HS3ST2: variants seen among roughly 807,000 people sequenced by gnomAD.
HS3ST2 encodes the protein heparan sulfate glucosamine 3-O-sulfotransferase 2.
In HS3ST2, 17 loss-of-function variants were observed where a neutral mutation model predicts 26.3. That is an observed-to-expected ratio of 0.65 (90% CI 0.44 to 0.97). The LOEUF (loss-of-function observed/expected upper bound fraction) is 0.97. Ranked by LOEUF, HS3ST2 falls within the 50% of genes least tolerant of loss-of-function variation. The pLI, the probability that HS3ST2 is intolerant of heterozygous loss-of-function variation, is 0.00. For synonymous variants in HS3ST2, 237 were observed against 219.2 expected (o/e 1.08, Z -0.72); for missense variants, 402 against 501.2 (o/e 0.80, Z 1.89).
intron 1 of HS3ST2, among the ~76,000 whole-genome samples, chr16:22,846,882 A>C (rs1901441035): frequency 6.6e-6 from 1 of 152,220 alleles, no homozygotes; most frequent in South Asian, 2.1e-4. Context: ...CATCTCTGGC[A>C]GAGTCAGGAT....
At chr16:22,840,828 T>G (rs1419803061) in intron 1 of HS3ST2, among the ~76,000 whole-genome samples, 1 of 152,186 alleles carries the variant, frequency 6.6e-6, no homozygotes, top group Non-Finnish European at 1.5e-5. Context: ...TAAATTATTA[T>G]TATACTTTAA....
At chr16:22,882,429 T>C (rs553870122) in intron 1 of HS3ST2, among the ~76,000 whole-genome samples, 1 of 152,092 alleles carries the variant, frequency 6.6e-6, no homozygotes, top group Admixed American at 6.5e-5. Flanking sequence ...GGAGTGAACT[T>C]AGCTGCATTA....
intron 1 of HS3ST2, among the ~76,000 whole-genome samples, chr16:22,906,286 G>T (rs555606241): frequency 6.2e-4 from 95 of 152,138 alleles, no homozygotes; most frequent in Non-Finnish European, 1.1e-3. Flanking sequence ...CAGGAGGATC[G>T]CTTGAACCTG....
intron 1 of HS3ST2, among the ~76,000 whole-genome samples, chr16:22,832,151 C>CTTTTTTTTTTTTTTT (rs71151684): frequency 1.7e-5 from 2 of 115,470 alleles, no homozygotes; most frequent in Admixed American, 8.8e-5. Flanking sequence ...CCCAGCTGAT[C>CTTTTTTTTTTTTTTT]TTTTTTTTTT....
At chr16:22,891,627 T>G (rs1195578946) in intron 1 of HS3ST2, among the ~76,000 whole-genome samples, 7 of 152,252 alleles carry the variant, frequency 4.6e-5, no homozygotes, top group Non-Finnish European at 8.8e-5. Flanking sequence ...AAGGACTTAA[T>G]TTTTTATTTC....
chr16:22,888,048 T>C (rs1902085026), intron 1 of HS3ST2, among the ~76,000 whole-genome samples: 1 of 152,218 alleles, frequency 6.6e-6, no homozygotes, highest in African/African-American at 2.4e-5. Context: ...CCACACTGCC[T>C]TCCAGAGCTC....
At chr16:22,895,009 G>A (rs1334665838) in intron 1 of HS3ST2, among the ~76,000 whole-genome samples, 2 of 151,004 alleles carry the variant, frequency 1.3e-5, no homozygotes, top group Non-Finnish European at 1.5e-5. Flanking sequence ...TGCTGGGTTT[G>A]ATTCAGCGTG....
chr16:22,830,742 C>A (rs1203904649), intron 1 of HS3ST2, among the ~76,000 whole-genome samples: 1 of 152,222 alleles, frequency 6.6e-6, no homozygotes, highest in Non-Finnish European at 1.5e-5. Context: ...CATCAACGTC[C>A]TTTACAAAAT....
chr16:22,873,004 C>T (rs1015631608), intron 1 of HS3ST2, among the ~76,000 whole-genome samples: 5 of 152,206 alleles, frequency 3.3e-5, no homozygotes, highest in African/African-American at 1.2e-4. Flanking sequence ...GTTTCTTAAC[C>T]TTTCAATGCC....
At chr16:22,823,807 GTGTTA>G (rs1369916654) in intron 1 of HS3ST2, among the ~76,000 whole-genome samples, 2 of 152,096 alleles carry the variant, frequency 1.3e-5, no homozygotes, top group Admixed American at 1.3e-4. Flanking sequence ...TTTCTTTAAT[GTGTTA>G]GCGATTGGGA....
intron 1 of HS3ST2, among the ~76,000 whole-genome samples, chr16:22,859,386 A>C (rs564518718): frequency 6.6e-6 from 1 of 152,218 alleles, no homozygotes; most frequent in Admixed American, 6.5e-5. Context: ...TTTAGGAAAG[A>C]TATTGGGGCC....
At chr16:22,821,654 G>A (rs1345790436) in intron 1 of HS3ST2, among the ~76,000 whole-genome samples, 5 of 152,032 alleles carry the variant, frequency 3.3e-5, no homozygotes, top group South Asian at 2.1e-4. Context: ...TAATCCATTC[G>A]TTTGTCAAAT....
chr16:22,886,769 T>C (rs1292198888), intron 1 of HS3ST2, among the ~76,000 whole-genome samples: 1 of 145,918 alleles, frequency 6.9e-6, no homozygotes, highest in East Asian at 2.0e-4. Context: ...CTTCTTTTTC[T>C]TTTTTTTTTT....
intron 1 of HS3ST2, among the ~76,000 whole-genome samples, chr16:22,824,675 C>A (rs1388282317): frequency 6.6e-6 from 1 of 152,184 alleles, no homozygotes; most frequent in Non-Finnish European, 1.5e-5. Flanking sequence ...GACAATGCAA[C>A]TTCTTTGTGT....
chr16:22,817,738 T>C (rs909847406), intron 1 of HS3ST2, among the ~76,000 whole-genome samples: 3 of 152,194 alleles, frequency 2.0e-5, no homozygotes, highest in African/African-American at 7.2e-5. Context: ...TGGAGTGGAC[T>C]GTGCTTTCCA....
rs116848879 is a variant in HS3ST2, at chr16:22,887,569, G to C, written c.486-27375G>C. ...AATTTTGGGATGACACAAACACTCA[G>C]TCTATAGCACCCTCCAAACTATTTA... On this transcript the variant is annotated intron_variant, in intron 1 of 1. Coordinates refer to ENST00000261374, the MANE Select transcript of HS3ST2 (RefSeq NM_006043.2). Among the ~76,000 whole-genome samples the C allele has an allele frequency of 2.9e-3, 441 of 152,242 alleles. 10 individuals are homozygous for C. In the East Asian group the frequency reaches 0.033, roughly 11 times the overall value.
At position 22,896,891 on chromosome 16, in the gene HS3ST2, T is replaced by G. The variant is rs376504517; in HGVS notation, c.486-18053T>G. ...GCGCAATCTCAGCTCACTGCAGCCT[T>G]GACTTCCTGGGCTCAAGTGATCCTC... On this transcript the variant is annotated intron_variant, in intron 1 of 1. Coordinates refer to ENST00000261374, the MANE Select transcript of HS3ST2 (RefSeq NM_006043.2). 3.3e-5 allele frequency among the ~76,000 whole-genome samples: 5 copies of G among 152,290 alleles called. No homozygotes were observed. The East Asian group carries it at 9.7e-4, about 29-fold the overall frequency.
chr16:22,893,634 C>CTTTT (rs56664558), intron 1 of HS3ST2, among the ~76,000 whole-genome samples: 94 of 130,276 alleles, frequency 7.2e-4, no homozygotes, highest in African/African-American at 2.6e-3. Context: ...TTTTTCTTTT[C>CTTTT]TTTTTTTTTT....
intron 1 of HS3ST2, among the ~76,000 whole-genome samples, chr16:22,863,909 G>T (rs1209616969): frequency 6.6e-6 from 1 of 152,208 alleles, no homozygotes; most frequent in Non-Finnish European, 1.5e-5. Flanking sequence ...GAGTTTGGAA[G>T]GTTCTCCGCT....
Sources: allele counts gnomAD v4.1 joint callset (sites outside exome capture counted in the v4.1 genomes callset), GRCh38; gene constraint gnomAD v4.1.1; transcripts MANE v1.5; gene names NCBI Gene and HGNC (gene_info 2026-07-23, HGNC 2026-07-21).